Variants in CDADC1 observed in about 807,000 individuals in gnomAD.
The protein encoded by CDADC1 is cytidine and dCMP deaminase domain containing 1.
CDADC1 carries 39 observed loss-of-function variants against 54.9 expected under a neutral mutation model. The ratio of observed to expected loss-of-function variants is 0.71; its 90% CI spans 0.55 to 0.93. CDADC1 has a LOEUF of 0.93. Ranked by LOEUF, CDADC1 falls within the 40% of genes least tolerant of loss-of-function variation. The pLI, the probability that CDADC1 is intolerant of heterozygous loss-of-function variation, is 0.00. For synonymous variants in CDADC1, 186 were observed against 204.0 expected, an observed-to-expected ratio of 0.91 and a Z score of 0.75; for missense variants, 518 against 618.8, an observed-to-expected ratio of 0.84 and a Z score of 1.73.
At chr13:49,254,972 A>T (rs996508513) in intron 2 of CDADC1, among the ~76,000 whole-genome samples, 1 of 152,182 alleles carries the variant, frequency 6.6e-6, no homozygotes, top group African/African-American at 2.4e-5. Context: ...TGCTGCTATA[A>T]CAGATGACCA....
chr13:49,258,195 C>G (rs1186092265), intron 3 of CDADC1, among the ~76,000 whole-genome samples: 1 of 152,176 alleles, frequency 6.6e-6, no homozygotes, highest in Non-Finnish European at 1.5e-5. Context: ...TGAAACTTGA[C>G]TAGTTAATAT....
chr13:49,282,054 G>GTGA (rs1209379401), intron 8 of CDADC1, among the ~76,000 whole-genome samples: 1 of 151,974 alleles, frequency 6.6e-6, no homozygotes, highest in African/African-American at 2.4e-5. Flanking sequence ...CTGACCTCAG[G>GTGA]TGATACACCG....
chr13:49,248,159 G>A, intron 1 of CDADC1, 40 bp downstream of exon 1: 1 of 1,492,382 alleles, frequency 6.7e-7, no homozygotes, highest in African/African-American at 1.4e-5. Flanking sequence ...CCTACCTTTC[G>A]CTCTGCCCTG....
intron 8 of CDADC1, among the ~76,000 whole-genome samples, chr13:49,285,468 C>T (rs1953485118): frequency 6.6e-6 from 1 of 152,176 alleles, no homozygotes; most frequent in Admixed American, 6.5e-5. Context: ...AGCCACTGTG[C>T]ATGGCCTATC....
chr13:49,261,984 A>T (rs1239405267), intron 4 of CDADC1, among the ~76,000 whole-genome samples: 2 of 152,194 alleles, frequency 1.3e-5, no homozygotes, highest in African/African-American at 4.8e-5. Flanking sequence ...ATATTTAGTT[A>T]TCTTAGGAAG....
At chr13:49,275,249 C>A (rs1953075111) in intron 6 of CDADC1, among the ~76,000 whole-genome samples, 1 of 151,776 alleles carries the variant, frequency 6.6e-6, no homozygotes, top group Non-Finnish European at 1.5e-5. Context: ...CCACACCTGG[C>A]TCATTTTTGT....
chr13:49,289,910 G>A (rs907163052), intron 9 of CDADC1, among the ~76,000 whole-genome samples: 5 of 152,168 alleles, frequency 3.3e-5, no homozygotes, highest in African/African-American at 1.2e-4. Flanking sequence ...GTTTGGCATG[G>A]TGGCCTGTGC....
At chr13:49,261,671 A>G (rs1952690838) in intron 4 of CDADC1, among the ~76,000 whole-genome samples, 1 of 152,258 alleles carries the variant, frequency 6.6e-6, no homozygotes, top group Non-Finnish European at 1.5e-5. Flanking sequence ...AATGTGAAAG[A>G]ACCAAAACAT....
At chr13:49,289,120 C>CTTTTTTTTTTTT (rs66814830) in intron 9 of CDADC1, among the ~76,000 whole-genome samples, 8 of 60,990 alleles carry the variant, frequency 1.3e-4, no homozygotes, top group Admixed American at 2.6e-4. Context: ...TTTTTTTTTG[C>CTTTTTTTTTTTT]TTTTTTTTTT....
intron 1 of CDADC1, chr13:49,248,324 A>AC (rs914359105): frequency 1.8e-5 from 10 of 547,464 alleles, no homozygotes; most frequent in African/African-American, 1.7e-4. Context: ...CTCGCTTTTT[A>AC]CCCCTGTTAG....
Position 49,292,868 on chromosome 13 carries a change from T to C in CDADC1, c.*1111T>C, listed in dbSNP as rs1593868503. ...TGCCTCTGCTTTTGTTCCCTGCCTT[T>C]CCGCCACATCACACGGCCTCACTGG... On this transcript the variant is annotated 3_prime_UTR_variant, in exon 10 of 10. Coordinates refer to ENST00000251108, the MANE Select transcript of CDADC1 (RefSeq NM_030911.4). 9.9e-7 allele frequency: 1 copy of C among 1,007,568 alleles called. No homozygotes were observed. Among genetic ancestry groups the C allele is most frequent in the East Asian group, 6.2e-5 (1 of 16,232 alleles). The allele number at this position is 1,007,568 out of a possible 1,614,324, so 62.4% of individuals were successfully genotyped here.
chr13:49,289,546 C>G (rs1953639027), intron 9 of CDADC1, among the ~76,000 whole-genome samples: 1 of 152,076 alleles, frequency 6.6e-6, no homozygotes, highest in Non-Finnish European at 1.5e-5. Flanking sequence ...GGAAATAACA[C>G]AAATGTTTGT....
chr13:49,275,783 A>G (rs888456193), intron 6 of CDADC1, among the ~76,000 whole-genome samples: 2 of 84,188 alleles, frequency 2.4e-5, no homozygotes, highest in Admixed American at 1.4e-4. Context: ...AGAGAGAGAG[A>G]GAGAGAGAGA....
chr13:49,258,429 C>T lies in CDADC1; in HGVS notation c.253-917C>T, dbSNP rs182932839. Among the ~76,000 whole-genome samples, 12 of 152,264 alleles carry T rather than the reference C, an allele frequency of 7.9e-5. No individual in the cohort carries two copies. In the East Asian group the frequency reaches 2.1e-3, roughly 27 times the overall value. On this transcript the variant is annotated intron_variant, in intron 3 of 9. Coordinates refer to ENST00000251108, the MANE Select transcript of CDADC1 (RefSeq NM_030911.4). ...AGACTGTTTTGTGCCTTATGCAGAA[C>T]TGACTTTTTTTTTTAACCTTAGTCT... is the stretch of plus-strand genomic sequence containing the variant.
chr13:49,266,412 C>T (rs1233853651), intron 4 of CDADC1, among the ~76,000 whole-genome samples: 1 of 152,116 alleles, frequency 6.6e-6, no homozygotes, highest in Non-Finnish European at 1.5e-5. Flanking sequence ...CTTGTCAATT[C>T]ATATGTGCTC....
At chr13:49,282,083 G>T (rs1366060663) in intron 8 of CDADC1, among the ~76,000 whole-genome samples, 1 of 152,122 alleles carries the variant, frequency 6.6e-6, no homozygotes, top group Non-Finnish European at 1.5e-5. Flanking sequence ...CACCCAAAGT[G>T]CTGGGATTAT....
In CDADC1 at chr13:49,252,921, A is replaced by G. The variant is rs1022943171; in HGVS notation, c.178-2918A>G. ...CTTGTGGAAATATTAAATTTCTCAA[A>G]ATGTTGCCCAATTTTGTGCCTAATA... On this transcript the variant is annotated intron_variant, in intron 2 of 9. Coordinates refer to ENST00000251108, the MANE Select transcript of CDADC1 (RefSeq NM_030911.4). 3.3e-5 allele frequency among the ~76,000 whole-genome samples: 5 copies of G among 152,338 alleles called. No homozygotes were observed. In the South Asian group the frequency reaches 1.0e-3, roughly 32 times the overall value.
intron 3 of CDADC1, among the ~76,000 whole-genome samples, chr13:49,257,185 G>A (rs1412481735): frequency 1.3e-5 from 2 of 151,960 alleles, no homozygotes; most frequent in African/African-American, 2.4e-5. Context: ...GATGCAAAAT[G>A]AAAAAATACA....
Position 49,278,492 on chromosome 13 carries a change from A to G in CDADC1, c.1193A>G (p.His398Arg). Residue 398 changes from histidine to arginine, a missense_variant, in exon 7 of 10, where the codon CAT (histidine) becomes CGT (arginine). Transcript: ENST00000251108. ...REIRKFRYIIHAEQNALTFRC... is the reference protein window; with the variant it reads ...REIRKFRYIIRAEQNALTFRC... ...ATAAGGAAATTCAGATACATCATACATGCGGAACAGAATGCCTTGACATTT... is the reference window on the plus strand; with the variant it reads ...ATAAGGAAATTCAGATACATCATACGTGCGGAACAGAATGCCTTGACATTT... 8 of 1,573,332 alleles carry G rather than the reference A, an allele frequency of 5.1e-6. No homozygotes were observed. The highest frequency in any genetic ancestry group is 6.1e-6 in the Non-Finnish European group (7 of 1,150,452).
Sources: gnomAD v4.1 joint callset for allele counts (sites outside exome capture counted in the v4.1 genomes callset) on GRCh38, gnomAD v4.1.1 for gene constraint, MANE v1.5 for transcripts, NCBI Gene and HGNC (gene_info 2026-07-23, HGNC 2026-07-21) for gene names.